Variants in CDK14 observed in about 807,000 individuals in gnomAD.
CDK14 encodes the protein cyclin dependent kinase 14.
CDK14 carries 34 observed loss-of-function variants against 60.7 expected under a neutral mutation model. The ratio of observed to expected loss-of-function variants is 0.56; its 90% CI spans 0.43 to 0.75. The LOEUF (loss-of-function observed/expected upper bound fraction) is 0.75. CDK14 is among the 30% of genes least tolerant of loss of function. The probability of loss-of-function intolerance (pLI) is 0.00; values close to 1 mark genes in which losing one functional copy is unlikely to be tolerated. For synonymous variants in CDK14, 197 were observed against 203.7 expected, an observed-to-expected ratio of 0.97 and a Z score of 0.28; for missense variants, 482 against 564.1, an observed-to-expected ratio of 0.85 and a Z score of 1.47.
intron 12 of CDK14, among the ~76,000 whole-genome samples, chr7:91,083,357 TG>T (rs1255209949): frequency 2.0e-5 from 3 of 152,142 alleles, no homozygotes; most frequent in Non-Finnish European, 2.9e-5. Context: ...CCCAGCTCTA[TG>T]GATTTGAGTT....
At chr7:90,864,036 A>T (rs1791095822) in intron 6 of CDK14, among the ~76,000 whole-genome samples, 1 of 152,126 alleles carries the variant, frequency 6.6e-6, no homozygotes, top group Non-Finnish European at 1.5e-5. Context: ...ACATTTATTT[A>T]GAATAGTTGT....
chr7:90,998,627 G>A (rs890853226), intron 10 of CDK14, among the ~76,000 whole-genome samples: 5 of 152,166 alleles, frequency 3.3e-5, no homozygotes, highest in African/African-American at 7.2e-5. Flanking sequence ...GGTGGCTCAC[G>A]CCTGTAATCC....
chr7:90,936,137 A>G (rs1334354496), intron 8 of CDK14, among the ~76,000 whole-genome samples: 1 of 151,918 alleles, frequency 6.6e-6, no homozygotes, highest in Non-Finnish European at 1.5e-5. Context: ...ACCCTTTCCT[A>G]TGTACTTACG....
At chr7:90,640,142 G>C (rs537063998) in intron 2 of CDK14, among the ~76,000 whole-genome samples, 4 of 152,198 alleles carry the variant, frequency 2.6e-5, no homozygotes, top group African/African-American at 4.8e-5. Context: ...TGTGCCCACT[G>C]TCTGGCACTC....
intron 7 of CDK14, among the ~76,000 whole-genome samples, chr7:90,909,648 G>T (rs1029269209): frequency 2.0e-5 from 3 of 151,960 alleles, no homozygotes; most frequent in Non-Finnish European, 2.9e-5. Context: ...CACCTTGCTT[G>T]GTATCCACCA....
intron 12 of CDK14, among the ~76,000 whole-genome samples, chr7:91,094,457 A>C (rs973296457): frequency 5.3e-5 from 8 of 152,166 alleles, no homozygotes; most frequent in African/African-American, 1.9e-4. Context: ...ATCACTGGCT[A>C]CACTTGTTCA....
rs966987938 is a variant in CDK14, at chr7:91,210,577, G to A, written c.*3441G>A. The stretch of plus-strand genomic sequence containing the variant: ...GTAACATGATATGGAATAAAGTATA[G>A]CAGAATCTCCGTACATGTTCTAGGT... On this transcript the variant is annotated 3_prime_UTR_variant, in exon 15 of 15. Transcript: ENST00000380050. 6.6e-6 allele frequency: 1 copy of A among 152,062 alleles called. No individual in the cohort carries two copies. Among genetic ancestry groups the A allele is most frequent in the Non-Finnish European group, 1.5e-5 (1 of 68,006 alleles). 9.4% of individuals were successfully genotyped at this position (152,062 alleles called of 1,614,324 possible).
chr7:90,676,994 G>T lies in CDK14; in HGVS notation c.124-49573G>T, dbSNP rs967138723. On this transcript the variant is annotated intron_variant, in intron 2 of 14. Coordinates refer to ENST00000380050, the MANE Select transcript of CDK14 (RefSeq NM_001287135.2). ...AGTTTCTGATAGCTTGAAGAATGAA[G>T]GGAAGTAATGATGTATGCAAGTTTA... Among the ~76,000 whole-genome samples the T allele has an allele frequency of 1.8e-4, 27 of 151,834 alleles. 1 individual carries two copies. Among genetic ancestry groups the T allele is most frequent in the African/African-American group, 6.5e-4 (27 of 41,438 alleles).
chr7:91,079,949 T>C (rs963037415), intron 12 of CDK14, among the ~76,000 whole-genome samples: 3 of 152,234 alleles, frequency 2.0e-5, no homozygotes, highest in Non-Finnish European at 2.9e-5. Flanking sequence ...GTTCTCCATT[T>C]ATTTCATGTC....
chr7:91,137,703 T>G (rs1476441117), intron 14 of CDK14, among the ~76,000 whole-genome samples: 5 of 137,912 alleles, frequency 3.6e-5, no homozygotes, highest in African/African-American at 1.2e-4. Flanking sequence ...GGTGTGTGTG[T>G]GTGTGTGTGT....
chr7:90,987,687 A>G, intron 10 of CDK14, among the ~76,000 whole-genome samples: 1 of 152,104 alleles, frequency 6.6e-6, no homozygotes, highest in Non-Finnish European at 1.5e-5. Context: ...TGGAGGAGGA[A>G]ATTTTATAAA....
At chr7:90,926,897 G>T (rs369256314) in intron 8 of CDK14, among the ~76,000 whole-genome samples, 2 of 152,106 alleles carry the variant, frequency 1.3e-5, no homozygotes, top group African/African-American at 4.8e-5. Flanking sequence ...TAGTTTGCTA[G>T]AATGGCTCAC....
At chr7:90,630,370 G>A (rs1168599805) in intron 2 of CDK14, among the ~76,000 whole-genome samples, 1 of 152,142 alleles carries the variant, frequency 6.6e-6, no homozygotes, top group East Asian at 1.9e-4. Context: ...GTAGGTAGTT[G>A]TAACACAATG....
intron 14 of CDK14, among the ~76,000 whole-genome samples, chr7:91,152,476 C>T (rs1800853503): frequency 6.6e-6 from 1 of 152,240 alleles, no homozygotes; most frequent in South Asian, 2.1e-4. Context: ...ATTTCTGGTG[C>T]TTATGTTGTG....
chr7:90,633,072 G>A (rs1195858033), intron 2 of CDK14, among the ~76,000 whole-genome samples: 31 of 146,042 alleles, frequency 2.1e-4, no homozygotes, highest in Admixed American at 2.1e-3. Flanking sequence ...CTCCAGCCTG[G>A]GCGACAAAGC....
chr7:91,097,979 T>G (rs554492197), intron 12 of CDK14, among the ~76,000 whole-genome samples: 4 of 152,250 alleles, frequency 2.6e-5, no homozygotes, highest in African/African-American at 4.8e-5. Flanking sequence ...GAAGACACTG[T>G]GGGTTAGAGA....
At chr7:91,157,249 C>T (rs1298509444) in intron 14 of CDK14, among the ~76,000 whole-genome samples, 5 of 152,270 alleles carry the variant, frequency 3.3e-5, no homozygotes, top group South Asian at 2.1e-4. Flanking sequence ...AAACTCGGGC[C>T]GCAATCAGCT....
At chr7:91,199,748 CAAAGTTGCTGCAATTAGTGCATTGT>C (rs1234734001) in intron 14 of CDK14, among the ~76,000 whole-genome samples, 1 of 152,188 alleles carries the variant, frequency 6.6e-6, no homozygotes, top group African/African-American at 2.4e-5. Flanking sequence ...TTAAAATGTG[CAAAGTTGCTGCAATTAGTGCATTGT>C]GCATCCATAT....
At chr7:91,202,679 G>A (rs1802769315) in intron 14 of CDK14, among the ~76,000 whole-genome samples, 1 of 152,128 alleles carries the variant, frequency 6.6e-6, no homozygotes, top group Non-Finnish European at 1.5e-5. Flanking sequence ...GAGGGAGAAG[G>A]GACATCCCGT....
Sources: gnomAD v4.1 joint callset for allele counts (sites outside exome capture counted in the v4.1 genomes callset) on GRCh38, gnomAD v4.1.1 for gene constraint, MANE v1.5 for transcripts, NCBI Gene and HGNC (gene_info 2026-07-23, HGNC 2026-07-21) for gene names.